KLF13: variants seen among roughly 807,000 people sequenced by gnomAD.
KLF13 encodes KLF transcription factor 13.
In KLF13, 8 loss-of-function variants were observed where a neutral mutation model predicts 16.7. That is an observed-to-expected ratio of 0.48 (90% CI 0.28 to 0.87). The LOEUF (loss-of-function observed/expected upper bound fraction) is 0.87. Among genes scored for constraint, KLF13 ranks in the 40% least tolerant of loss-of-function variants. The pLI, the probability that KLF13 is intolerant of heterozygous loss-of-function variation, is 0.10. For synonymous variants in KLF13, 245 were observed against 208.4 expected (o/e 1.18, Z -1.51); for missense variants, 447 against 452.2 (o/e 0.99, Z 0.10).
At chr15:31,422,374 G>A (rs539411901) in intron 1 of KLF13, among the ~76,000 whole-genome samples, 2 of 152,174 alleles carry the variant, frequency 1.3e-5, no homozygotes, top group Non-Finnish European at 2.9e-5. Flanking sequence ...CAAAGGAGAA[G>A]CAGGCACCTT....
chr15:31,435,013 C>T (rs1566854228), intron 1 of KLF13, among the ~76,000 whole-genome samples: 1 of 152,224 alleles, frequency 6.6e-6, no homozygotes. Context: ...AGAAATATTC[C>T]TTTCCTTGAG....
rs374281245 is a variant in KLF13, at chr15:31,372,304, G to A, written c.*5G>A. 4.6e-5 allele frequency: 68 copies of A among 1,465,680 alleles called. 1 individual carries two copies. Among genetic ancestry groups the A allele is most frequent in the Non-Finnish European group, 5.7e-5 (64 of 1,113,058 alleles). The allele number at this position is 1,465,680 out of a possible 1,614,324, so 90.8% of individuals were successfully genotyped here. A position where few individuals can be genotyped will look rare whatever the true frequency, so the allele number is the denominator to read the frequency against. ...AGCCCGGCCAGCTCGCCCTGAGCCC[G>A]CCACAGCCATGAGCAGCCGCTCCCA... is the stretch of plus-strand genomic sequence containing the variant. On this transcript the variant is annotated 3_prime_UTR_variant, in exon 2 of 2. Coordinates refer to ENST00000307145, the MANE Select transcript of KLF13 (RefSeq NM_015995.4).
intron 2 of KLF13, among the ~76,000 whole-genome samples, chr15:31,396,161 G>T (rs1335294084): frequency 6.6e-6 from 1 of 152,140 alleles, no homozygotes. Context: ...GAGTAGCTGG[G>T]ATTACAGGCA....
chr15:31,341,042 G>C (rs2039014011), intron 1 of KLF13, among the ~76,000 whole-genome samples: 1 of 152,172 alleles, frequency 6.6e-6, no homozygotes, highest in East Asian at 1.9e-4. Flanking sequence ...ACATTGCTGT[G>C]TCTCTCTTAT....
rs925494257 is a variant in KLF13 at position 31,327,075 on chromosome 15, CGCCCAGCCCA to C, written c.-123_-114del. The C allele has an allele frequency of 2.3e-5, 17 of 737,368 alleles. No individual in the cohort carries two copies. The highest frequency in any genetic ancestry group is 5.8e-5 in the East Asian group (1 of 17,244). The allele number at this position is 737,368 out of a possible 1,614,324, so 45.7% of individuals were successfully genotyped here. On this transcript the variant is annotated 5_prime_UTR_variant, in exon 1 of 2. Coordinates refer to ENST00000307145, the MANE Select transcript of KLF13 (RefSeq NM_015995.4). ...GCGGGTGACGGCACAGGCGGCTGCG[CGCCCAGCCCA>C]GCCCAGCCCAGCCCGAGGAGAGGGC...
chr15:31,401,968 T>G lies in KLF13; in HGVS notation n.530-1460T>G, dbSNP rs576345337. On this transcript the variant is annotated intron_variant and non_coding_transcript_variant, in intron 2 of 2. Transcript: ENST00000500533. ...AAGGAAACCCCAACTCTCAGCAGAA[T>G]TGCCAGAATCTCCATGTCAGAAGAG... Among the ~76,000 whole-genome samples the G allele has an allele frequency of 3.3e-5, 5 of 152,226 alleles. No homozygotes were observed. In the South Asian group the frequency reaches 8.3e-4, roughly 25 times the overall value.
At chr15:31,409,080 T>C (rs2040162015), downstream of KLF13, among the ~76,000 whole-genome samples, 1 of 151,910 alleles carries the variant, frequency 6.6e-6, no homozygotes, top group South Asian at 2.1e-4. Flanking sequence ...AGGTCAGGAG[T>C]TCCAGACCAG....
intron 1 of KLF13, among the ~76,000 whole-genome samples, chr15:31,345,261 C>T (rs1460331586): frequency 6.6e-6 from 1 of 152,184 alleles, no homozygotes; most frequent in Non-Finnish European, 1.5e-5. Flanking sequence ...ATTCCTCACT[C>T]ATTGCCTGAG....
intron 1 of KLF13, among the ~76,000 whole-genome samples, chr15:31,329,245 G>C (rs1379754584): frequency 1.3e-5 from 2 of 151,430 alleles, no homozygotes; most frequent in East Asian, 1.9e-4. Context: ...AGTTCAGCTC[G>C]GGACGCGGCT....
chr15:31,341,737 T>C (rs753752466), intron 1 of KLF13, among the ~76,000 whole-genome samples: 20 of 152,106 alleles, frequency 1.3e-4, no homozygotes, highest in Non-Finnish European at 1.3e-4. Context: ...CTGGGTCACT[T>C]TCCAGGATCC....
intron 1 of KLF13, among the ~76,000 whole-genome samples, chr15:31,415,131 C>CTT (rs2040240294): frequency 1.3e-5 from 2 of 152,116 alleles, no homozygotes; most frequent in African/African-American, 4.8e-5. Flanking sequence ...CACGTCCGCT[C>CTT]CCCTTTGCCT....
chr15:31,364,215 C>G (rs573973933), intron 1 of KLF13, among the ~76,000 whole-genome samples: 1 of 152,094 alleles, frequency 6.6e-6, no homozygotes, highest in African/African-American at 2.4e-5. Context: ...TTATCCTATT[C>G]GAAAACAAAG....
upstream of KLF13, among the ~76,000 whole-genome samples, chr15:31,391,317 T>C (rs1399019398): frequency 9.4e-6 from 1 of 106,204 alleles, no homozygotes; most frequent in African/African-American, 3.7e-5. Context: ...TGTGTGGGGC[T>C]GTGGGTGTCG....
chr15:31,378,296 G>A (rs1254547260), downstream of KLF13, among the ~76,000 whole-genome samples: 1 of 152,150 alleles, frequency 6.6e-6, no homozygotes, highest in Admixed American at 6.5e-5. Flanking sequence ...TGCGCTGCTT[G>A]CCTCACCCCT....
upstream of KLF13, among the ~76,000 whole-genome samples, chr15:31,392,440 C>G (rs1283180296): frequency 6.6e-6 from 1 of 152,216 alleles, no homozygotes; most frequent in Non-Finnish European, 1.5e-5. Flanking sequence ...CACGCCCCTC[C>G]TGATGTGGCC....
intron 1 of KLF13, among the ~76,000 whole-genome samples, chr15:31,354,752 C>T (rs903910751): frequency 2.0e-5 from 3 of 152,204 alleles, no homozygotes; most frequent in African/African-American, 7.2e-5. Context: ...AGGACACCCA[C>T]ATTTTCAGCA....
chr15:31,431,481 T>G (rs2040470614), intron 1 of KLF13, among the ~76,000 whole-genome samples: 1 of 152,180 alleles, frequency 6.6e-6, no homozygotes, highest in Non-Finnish European at 1.5e-5. Context: ...AATTTTTTTT[T>G]TTAGACAGAG....
chr15:31,380,955 C>T (rs1002748104), downstream of KLF13, among the ~76,000 whole-genome samples: 5 of 152,144 alleles, frequency 3.3e-5, no homozygotes, highest in South Asian at 4.2e-4. Context: ...AGGCAGATCA[C>T]GAGGTCAGGA....
At chr15:31,391,681 T>G (rs1314652976), upstream of KLF13, among the ~76,000 whole-genome samples, 2 of 139,724 alleles carry the variant, frequency 1.4e-5, no homozygotes, top group Admixed American at 1.4e-4. Flanking sequence ...CTAGGTGCAC[T>G]GTTGGGGGGC....
Sources: allele counts gnomAD v4.1 joint callset (sites outside exome capture counted in the v4.1 genomes callset), GRCh38; gene constraint gnomAD v4.1.1; transcripts MANE v1.5; gene names NCBI Gene and HGNC (gene_info 2026-07-23, HGNC 2026-07-21).